Variants in DNAJB11 observed in about 807,000 individuals in gnomAD.
DNAJB11 encodes DnaJ heat shock protein family (Hsp40) member B11, also known as dnaJ homolog subfamily B member 11.
A neutral mutation model predicts 47.2 loss-of-function variants in DNAJB11; 30 were observed. The ratio of observed to expected loss-of-function variants is 0.64; its 90% CI spans 0.48 to 0.86. The LOEUF (loss-of-function observed/expected upper bound fraction) is 0.86, where lower values mean the gene tolerates loss of function less well. Ranked by LOEUF, DNAJB11 falls within the 40% of genes least tolerant of loss-of-function variation. The pLI is 0.00. For missense variants in DNAJB11, 357 were observed against 440.2 expected (o/e 0.81, Z 1.69); for synonymous variants, 151 against 159.9 (o/e 0.94, Z 0.42).
At chr3:186,571,058 C>A in intron 1 of DNAJB11, 93 bp downstream of exon 1, 1 of 1,140,522 alleles carries the variant, frequency 8.8e-7, no homozygotes, top group Non-Finnish European at 1.2e-6. Context: ...GCCAGACTGA[C>A]GGAGTGGAGA....
intron 4 of DNAJB11, 66 bp downstream of exon 4, chr3:186,577,866 A>G (rs1031523424): frequency 7.2e-7 from 1 of 1,381,040 alleles, no homozygotes; most frequent in Admixed American, 2.4e-5. Flanking sequence ...TAAAAATAAG[A>G]GGTTTATATG....
chr3:186,579,559 T>A (rs141645501), intron 4 of DNAJB11: 1 of 152,364 alleles, frequency 6.6e-6, no homozygotes, highest in African/African-American at 2.4e-5. Context: ...TTAAAATATA[T>A]GTGTTATTCA....
chr3:186,581,988 A>G lies in DNAJB11; in HGVS notation c.600-7A>G, dbSNP rs371152451. On this transcript the variant is annotated splice_polypyrimidine_tract_variant and splice_region_variant and intron_variant, in intron 5 of 9. Coordinates refer to ENST00000265028, the MANE Select transcript of DNAJB11 (RefSeq NM_016306.6). ...TTTTTCTCCTCTTTTAATTCTCTTTACCTCAGACTAGTGAATGAAGAACGA... is the reference window on the plus strand; with the variant it reads ...TTTTTCTCCTCTTTTAATTCTCTTTGCCTCAGACTAGTGAATGAAGAACGA... 1.4e-5 allele frequency: 22 copies of G among 1,608,708 alleles called. 1 individual carries two copies. In the South Asian group the frequency reaches 2.4e-4, roughly 18 times the overall value.
At chr3:186,577,898 G>T (rs1391752114) in intron 4 of DNAJB11, 98 bp downstream of exon 4, 3 of 1,055,630 alleles carry the variant, frequency 2.8e-6, no homozygotes, top group African/African-American at 1.6e-5. Context: ...TCTTTTTGAG[G>T]GTAAGAGAGA....
In DNAJB11 at chr3:186,575,838, A is replaced by G; in HGVS notation, c.226-2A>G. On this transcript the variant is annotated splice_acceptor_variant, in intron 2 of 9. Transcript: ENST00000265028. LOFTEE classifies it high-confidence loss of function. The stretch of plus-strand genomic sequence containing the variant: ...TTTTCCTCCACTGGCTTTTATCCCC[A>G]GGTTCTGTCAGATAGTGAGAAACGG... 6.2e-7 allele frequency: 1 copy of G among 1,611,940 alleles called. No individual in the cohort carries two copies. The highest frequency in any genetic ancestry group is 8.5e-7 in the Non-Finnish European group (1 of 1,178,224).
intron 4 of DNAJB11, 108 bp from the exon 5 acceptor site, chr3:186,581,263 A>G: frequency 1.6e-6 from 2 of 1,278,338 alleles, no homozygotes; most frequent in Middle Eastern, 2.7e-4. Flanking sequence ...AGATTGCCAG[A>G]GAAGGGGAAG....
intron 6 of DNAJB11, 93 bp downstream of exon 6, chr3:186,582,170 A>T: frequency 1.1e-6 from 1 of 928,956 alleles, no homozygotes. Flanking sequence ...CTCCATCTTA[A>T]TGTTCACATA....
chr3:186,580,916 TAAG>T (rs1382221142), intron 4 of DNAJB11: 1 of 152,828 alleles, frequency 6.5e-6, no homozygotes, highest in African/African-American at 2.4e-5. Flanking sequence ...TTTCCTGAAA[TAAG>T]GAGACATTTT....
Position 186,585,282 on chromosome 3 carries a change from T to C in DNAJB11, c.1013-62T>C, listed in dbSNP as rs371502708. On this transcript the variant is annotated intron_variant, in intron 9 of 9. Transcript: ENST00000265028. ...ATGAGCTTTTTCTTGAAATATGCTC[T>C]TTAAACGCTAGGAAAGTAACATTTT... is the stretch of plus-strand genomic sequence containing the variant. 50 of 1,407,900 alleles carry C rather than the reference T, an allele frequency of 3.6e-5. No homozygotes were observed. In the African/African-American group the frequency reaches 6.4e-4, roughly 18 times the overall value. 87.2% of individuals were successfully genotyped at this position (1,407,900 alleles called of 1,614,324 possible). A position where few individuals can be genotyped will look rare whatever the true frequency, so the allele number is the denominator to read the frequency against.
intron 2 of DNAJB11, among the ~76,000 whole-genome samples, chr3:186,573,613 C>T (rs1715164917): frequency 1.3e-5 from 2 of 152,066 alleles, no homozygotes; most frequent in African/African-American, 2.4e-5. Flanking sequence ...TCTCGATCTC[C>T]TGACCTCATG....
intron 2 of DNAJB11, among the ~76,000 whole-genome samples, chr3:186,573,631 C>T (rs570335556): frequency 2.6e-5 from 4 of 152,158 alleles, no homozygotes; most frequent in South Asian, 2.1e-4. Context: ...ATGATCCACC[C>T]GCCTCGGCTT....
chr3:186,572,274 G>T, intron 2 of DNAJB11, 23 bp downstream of exon 2: 1 of 1,591,188 alleles, frequency 6.3e-7, no homozygotes, highest in Non-Finnish European at 8.5e-7. Flanking sequence ...AAGTGATAAA[G>T]TACGAATAAA....
In DNAJB11 at chr3:186,577,896, A is replaced by C. The variant is rs1157689151; in HGVS notation, c.456+96A>C. ...TATATGTACCTTCTCTGTCTTTTTG[A>C]GGGTAAGAGAGAGTGATCAAATGCA... On this transcript the variant is annotated intron_variant, in intron 4 of 9. Coordinates refer to ENST00000265028, the MANE Select transcript of DNAJB11 (RefSeq NM_016306.6). 4 of 1,067,448 alleles carry C rather than the reference A, an allele frequency of 3.7e-6. No individual in the cohort carries two copies. In the East Asian group the frequency reaches 1.1e-4, roughly 29 times the overall value. The allele number at this position is 1,067,448 out of a possible 1,614,324, so 66.1% of individuals were successfully genotyped here.
intron 7 of DNAJB11, 77 bp from the exon 8 acceptor site, chr3:186,583,788 C>G: frequency 9.3e-7 from 1 of 1,079,874 alleles, no homozygotes; most frequent in Non-Finnish European, 1.4e-6. Context: ...TGGTGTTCAC[C>G]TTTTTCCAAG....
At chr3:186,585,252 C>T (rs1303196572) in intron 9 of DNAJB11, 92 bp from the exon 10 acceptor site, 1 of 1,029,900 alleles carries the variant, frequency 9.7e-7, no homozygotes, top group African/African-American at 1.6e-5. Flanking sequence ...GTCATAAGGC[C>T]TTTTATGAGC....
chr3:186,577,007 A>G (rs1373784140), intron 3 of DNAJB11, among the ~76,000 whole-genome samples: 1 of 152,224 alleles, frequency 6.6e-6, no homozygotes, highest in African/African-American at 2.4e-5. Flanking sequence ...GTAGGATTGA[A>G]GGTCACCTTT....
At chr3:186,576,010 A>C in intron 3 of DNAJB11, 73 bp downstream of exon 3, 619 of 1,126,534 alleles carry the variant, frequency 5.5e-4, no homozygotes, top group Non-Finnish European at 7.7e-4. Context: ...AATTATTCTC[A>C]TTCCCTAGTT....
rs141441408 is a variant in DNAJB11 at position 186,583,872 on chromosome 3, A to G, written c.748A>G (p.Ile250Val). The G allele has an allele frequency of 9.9e-5, 159 of 1,612,164 alleles. No homozygotes were observed. Among genetic ancestry groups the G allele is most frequent in the African/African-American group, 9.3e-4 (70 of 74,936 alleles). Residue 250 changes from isoleucine (I) to valine (V), a missense_variant, in exon 8 of 10, where the codon ATA becomes GTA. Ile to Val is a conservative substitution (Grantham distance 29). Coordinates refer to ENST00000265028, the MANE Select transcript of DNAJB11 (RefSeq NM_016306.6). ...RFRIKVVKHP[I>V]FERRGDDLYT... ...ACCTTATTCTGTTTTTAGGCACCCAATATTTGAAAGGAGAGGAGATGATTT... is the reference window on the plus strand; with the variant it reads ...ACCTTATTCTGTTTTTAGGCACCCAGTATTTGAAAGGAGAGGAGATGATTT...
chr3:186,582,658 T>C, intron 6 of DNAJB11, 58 bp from the exon 7 acceptor site: 1 of 1,408,976 alleles, frequency 7.1e-7, no homozygotes, highest in Non-Finnish European at 9.8e-7. Context: ...AGTTGCCAAA[T>C]AGATTTGTGG....
Sources: gnomAD v4.1 joint callset for allele counts (sites outside exome capture counted in the v4.1 genomes callset) on GRCh38, gnomAD v4.1.1 for gene constraint, MANE v1.5 for transcripts, NCBI Gene and HGNC (gene_info 2026-07-23, HGNC 2026-07-21) for gene names.